Variants in BRAF observed in about 807,000 individuals in gnomAD.
The protein encoded by BRAF is B-Raf proto-oncogene, serine/threonine kinase, also known as serine/threonine-protein kinase B-raf.
A neutral mutation model predicts 104.6 loss-of-function variants in BRAF; 16 were observed. The observed-to-expected ratio is 0.15, with a 90% confidence interval of 0.10 to 0.23. The LOEUF is 0.23. Ranked by LOEUF, BRAF falls within the 10% of genes least tolerant of loss-of-function variation. The pLI is 1.00. For missense variants in BRAF, 541 were observed against 937.3 expected, an observed-to-expected ratio of 0.58 and a Z score of 5.52; for synonymous variants, 310 against 341.6, an observed-to-expected ratio of 0.91 and a Z score of 1.02.
intron 1 of BRAF, among the ~76,000 whole-genome samples, chr7:140,906,087 CAAAAAAAAA>C (rs61150735): frequency 4.5e-5 from 2 of 44,714 alleles, no homozygotes; most frequent in African/African-American, 2.0e-4. Context: ...GACTCCGTCT[CAAAAAAAAA>C]AAAAAAAAAA....
intron 4 of BRAF, 142 bp downstream of exon 4, chr7:140,808,750 G>T: frequency 1.4e-6 from 1 of 705,322 alleles, no homozygotes; most frequent in Non-Finnish European, 2.5e-6. Context: ...TATTTCTTCA[G>T]GCTAACTTAG....
chr7:140,778,677 C>A (rs1465066015), intron 12 of BRAF, among the ~76,000 whole-genome samples: 2 of 151,154 alleles, frequency 1.3e-5, no homozygotes, highest in African/African-American at 2.4e-5. Context: ...TGCACATGTA[C>A]CCTAAAACTT....
At chr7:140,829,639 C>T (rs1806491439) in intron 3 of BRAF, among the ~76,000 whole-genome samples, 1 of 152,096 alleles carries the variant, frequency 6.6e-6, no homozygotes, top group Non-Finnish European at 1.5e-5. Context: ...TCTTTAATGG[C>T]CCTGATCCAC....
At chr7:140,913,214 C>T (rs1291986060) in intron 1 of BRAF, among the ~76,000 whole-genome samples, 2 of 151,994 alleles carry the variant, frequency 1.3e-5, no homozygotes, top group African/African-American at 4.8e-5. Context: ...ACATAATTTC[C>T]TTTCTGTATG....
intron 18 of BRAF, among the ~76,000 whole-genome samples, chr7:140,738,620 T>A (rs778103872): frequency 1.4e-4 from 22 of 152,194 alleles, no homozygotes; most frequent in Non-Finnish European, 3.1e-4. Context: ...TAGATATTTT[T>A]GTTTTGTTTT....
chr7:140,864,589 A>G (rs1383317249), intron 1 of BRAF, among the ~76,000 whole-genome samples: 2 of 152,196 alleles, frequency 1.3e-5, no homozygotes, highest in African/African-American at 4.8e-5. Flanking sequence ...TTTACAAGAG[A>G]AACCAAAAAT....
chr7:140,864,949 T>A (rs1420274868), intron 1 of BRAF, among the ~76,000 whole-genome samples: 1 of 152,192 alleles, frequency 6.6e-6, no homozygotes. Flanking sequence ...AGAGGACCAA[T>A]GCAGACAAGT....
intron 13 of BRAF, among the ~76,000 whole-genome samples, 175 bp from the exon 13 acceptor site, chr7:140,777,263 C>G (rs1800429501): frequency 6.6e-6 from 1 of 152,064 alleles, no homozygotes; most frequent in Admixed American, 6.6e-5. Context: ...AGTCTAACCT[C>G]CTACTTTATG....
Position 140,719,644 on chromosome 7 carries a change from C to T in BRAF, c.*6850G>A. On this transcript the variant is annotated 3_prime_UTR_variant, in exon 20 of 20. Coordinates refer to ENST00000644969, the MANE Select transcript of BRAF (RefSeq NM_001374258.1). ...TAAAAAAAATAATAAAAGATTCAAG[C>T]AAACATTGAGAATAGGGGAAAAGAG... is the stretch of plus-strand genomic sequence containing the variant. 1 of 1,062,636 alleles carries T rather than the reference C, an allele frequency of 9.4e-7. No homozygotes were observed. Among genetic ancestry groups the T allele is most frequent in the Non-Finnish European group, 1.1e-6 (1 of 877,358 alleles). The allele number at this position is 1,062,636 out of a possible 1,614,324, so 65.8% of individuals were successfully genotyped here.
intron 3 of BRAF, among the ~76,000 whole-genome samples, chr7:140,816,946 G>C (rs1399296610): frequency 1.3e-5 from 2 of 151,770 alleles, no homozygotes; most frequent in Non-Finnish European, 2.9e-5. Context: ...CACACTATTG[G>C]AAGTCCTAGC....
intron 14 of BRAF, among the ~76,000 whole-genome samples, chr7:140,776,156 G>T (rs1315687559): frequency 6.6e-6 from 1 of 151,988 alleles, no homozygotes; most frequent in East Asian, 1.9e-4. Context: ...ACATTATAAA[G>T]ATTAAATGAC....
At position 140,725,916 on chromosome 7, in the gene BRAF, AAT is replaced by A. The variant is rs2130831417; in HGVS notation, c.*576_*577del. The A allele has an allele frequency of 7.5e-6, 8 of 1,063,144 alleles. No individual in the cohort carries two copies. Among genetic ancestry groups the A allele is most frequent in the African/African-American group, 4.9e-5 (3 of 61,052 alleles). 65.9% of individuals were successfully genotyped at this position (1,063,144 alleles called of 1,614,324 possible). On this transcript the variant is annotated 3_prime_UTR_variant, in exon 20 of 20. Coordinates refer to ENST00000644969, the MANE Select transcript of BRAF (RefSeq NM_001374258.1). The stretch of plus-strand genomic sequence containing the variant: ...CACCACTCAGCCTCCATTTAAATAA[AAT>A]AGTTTCCTTTTGATAAAATCTGTCA...
At chr7:140,823,236 T>C (rs146820707) in intron 3 of BRAF, among the ~76,000 whole-genome samples, 4 of 152,312 alleles carry the variant, frequency 2.6e-5, no homozygotes, top group South Asian at 2.1e-4. Flanking sequence ...TAGTGTTAAG[T>C]ACATTCACAA....
intron 3 of BRAF, 86 bp from the exon 4 acceptor site, chr7:140,809,081 T>C (rs1803953831): frequency 1.8e-6 from 2 of 1,082,674 alleles, no homozygotes; most frequent in Admixed American, 1.9e-5. Flanking sequence ...TAATTCATCT[T>C]TAAAAAGTCA....
At chr7:140,890,194 T>C (rs768873283) in intron 1 of BRAF, among the ~76,000 whole-genome samples, 4 of 152,206 alleles carry the variant, frequency 2.6e-5, no homozygotes, top group Non-Finnish European at 4.4e-5. Flanking sequence ...GAATCCTCAG[T>C]GACTGGCACA....
intron 2 of BRAF, among the ~76,000 whole-genome samples, chr7:140,837,064 G>A (rs766020510): frequency 9.2e-5 from 14 of 152,110 alleles, no homozygotes; most frequent in Non-Finnish European, 1.5e-4. Context: ...TTTTCCTTTT[G>A]TTAAGTACAA....
intron 3 of BRAF, among the ~76,000 whole-genome samples, chr7:140,818,898 T>C (rs1232835808): frequency 6.6e-6 from 1 of 152,198 alleles, no homozygotes; most frequent in Non-Finnish European, 1.5e-5. Context: ...CTATCTTACG[T>C]AGTCTACCTT....
chr7:140,753,108 A>G (rs2128997786), intron 16 of BRAF, among the ~76,000 whole-genome samples, 167 bp downstream of exon 15: 1 of 152,342 alleles, frequency 6.6e-6, no homozygotes, highest in Non-Finnish European at 1.5e-5. Context: ...TTAAGGGTAA[A>G]GAAAAAAGTT....
At chr7:140,800,333 G>A in intron 7 of BRAF, 29 bp downstream of exon 7, 1 of 1,613,872 alleles carries the variant, frequency 6.2e-7, no homozygotes, top group East Asian at 2.2e-5. Context: ...CAAGTAGCAT[G>A]TCGCCCAAGA....
Sources: gnomAD v4.1 joint callset for allele counts (sites outside exome capture counted in the v4.1 genomes callset) on GRCh38, gnomAD v4.1.1 for gene constraint, MANE v1.5 for transcripts, NCBI Gene and HGNC (gene_info 2026-07-23, HGNC 2026-07-21) for gene names.